Variants in DMD observed in about 807,000 individuals in gnomAD.
The protein encoded by DMD is dystrophin.
Under a neutral mutation model 330.1 loss-of-function variants are expected in DMD, and 63 were observed. The ratio of observed to expected loss-of-function variants is 0.19; its 90% CI spans 0.16 to 0.24. The LOEUF is 0.24. Ranked by LOEUF, DMD falls within the 10% of genes least tolerant of loss-of-function variation. The pLI is 1.00. For missense variants in DMD, 3,344 were observed against 2,684.1 expected, an observed-to-expected ratio of 1.25 and a Z score of -5.43; for synonymous variants, 1,223 against 959.8, an observed-to-expected ratio of 1.27 and a Z score of -5.07.
At chrX:31,528,325 C>A (rs1026784569) in intron 55 of DMD, among the ~76,000 whole-genome samples, 14 of 111,974 alleles carry the variant, frequency 1.3e-4, no homozygotes, top group African/African-American at 4.2e-4. Context: ...TAATTTGATG[C>A]CTAGGGAAAA....
chrX:32,702,567 G>A (rs1057317951), intron 7 of DMD, among the ~76,000 whole-genome samples: 3 of 111,113 alleles, frequency 2.7e-5, no homozygotes, highest in Non-Finnish European at 5.7e-5. Context: ...TCATTCAATA[G>A]ACTAGAGAGT....
chrX:32,537,286 A>G (rs2048079162), intron 17 of DMD, among the ~76,000 whole-genome samples: 1 of 111,728 alleles, frequency 9.0e-6, no homozygotes, highest in African/African-American at 3.3e-5. Flanking sequence ...GGAGAGAGGG[A>G]GAGGTAGAAA....
intron 41 of DMD, among the ~76,000 whole-genome samples, chrX:32,328,315 A>C: frequency 8.9e-6 from 1 of 112,039 alleles, no homozygotes; most frequent in Non-Finnish European, 1.9e-5. Context: ...AGAGGATGAA[A>C]ATATTTATAC....
intron 43 of DMD, among the ~76,000 whole-genome samples, chrX:32,268,900 C>A (rs1449683132): frequency 9.2e-6 from 1 of 108,871 alleles, no homozygotes; most frequent in Non-Finnish European, 1.9e-5. Context: ...GGGTAGGAGA[C>A]CCCCCACCCC....
intron 44 of DMD, among the ~76,000 whole-genome samples, chrX:32,074,505 A>G (rs2096326959): frequency 8.9e-6 from 1 of 112,103 alleles, no homozygotes; most frequent in Non-Finnish European, 1.9e-5. Context: ...TGGGATTTAC[A>G]TATTAAATGG....
At chrX:31,190,885 T>G (rs149991920) in intron 67 of DMD, among the ~76,000 whole-genome samples, 1,663 of 111,455 alleles carry the variant, frequency 0.015, 26 homozygotes, top group African/African-American at 0.051. Context: ...GGGCATTTAA[T>G]AAGCCGGCAA....
chrX:33,189,857 C>T (rs1042965737), intron 1 of DMD, among the ~76,000 whole-genome samples: 14 of 111,860 alleles, frequency 1.3e-4, no homozygotes, highest in African/African-American at 4.5e-4. Context: ...AATGAAATTT[C>T]CCTGTCTTCA....
At chrX:32,266,942 A>G (rs1260874049) in intron 43 of DMD, among the ~76,000 whole-genome samples, 1 of 111,945 alleles carries the variant, frequency 8.9e-6, no homozygotes, top group Non-Finnish European at 1.9e-5. Flanking sequence ...ATTTCCTGCT[A>G]CATACAAAAT....
At chrX:31,298,637 C>T (rs1466141793) in intron 62 of DMD, among the ~76,000 whole-genome samples, 3 of 112,147 alleles carry the variant, frequency 2.7e-5, no homozygotes, top group Non-Finnish European at 5.6e-5. Context: ...ATTAAAAACT[C>T]ATGAATACAC....
chrX:32,041,907 G>A (rs1309452815), intron 44 of DMD, among the ~76,000 whole-genome samples: 1 of 105,521 alleles, frequency 9.5e-6, no homozygotes, highest in Non-Finnish European at 1.9e-5. Context: ...GGGTATGATA[G>A]GAGAGTGTTG....
At chrX:32,717,184 AT>A (rs2065819509) in intron 7 of DMD, among the ~76,000 whole-genome samples, 1 of 111,645 alleles carries the variant, frequency 9.0e-6, no homozygotes, top group African/African-American at 3.3e-5. Flanking sequence ...AAAGGGGAAA[AT>A]GCCCAAAGGC....
At chrX:31,791,492 T>G (rs1230033969) in intron 50 of DMD, among the ~76,000 whole-genome samples, 2 of 111,170 alleles carry the variant, frequency 1.8e-5, no homozygotes, top group Non-Finnish European at 3.8e-5. Flanking sequence ...CCAACATCTG[T>G]GATGATACTG....
intron 4 of DMD, among the ~76,000 whole-genome samples, chrX:32,830,201 C>A (rs1372416729): frequency 1.8e-5 from 2 of 111,330 alleles, no homozygotes; most frequent in Non-Finnish European, 3.8e-5. Flanking sequence ...TGCTGTATTT[C>A]TTACTATTAG....
chrX:32,705,895 T>G (rs998164841), intron 7 of DMD, among the ~76,000 whole-genome samples: 4 of 110,476 alleles, frequency 3.6e-5, no homozygotes, highest in African/African-American at 9.9e-5. Context: ...CAAAGGACTA[T>G]AAATCATGCT....
chrX:32,501,729 T>A, intron 19 of DMD, 26 bp downstream of exon 19: 1 of 1,117,873 alleles, frequency 8.9e-7, no homozygotes, highest in East Asian at 3.0e-5. Flanking sequence ...CCTAAGAAGA[T>A]TATCTAAATC....
Position 32,472,003 on chromosome X carries a change from A to G in DMD, c.2949+161T>C, listed in dbSNP as rs72468672. Among the ~76,000 whole-genome samples, 337 of 112,767 alleles carry G rather than the reference A, an allele frequency of 3.0e-3. 2 individuals are homozygous for G. Among genetic ancestry groups the G allele is most frequent in the Non-Finnish European group, 4.4e-3 (236 of 53,364 alleles). The stretch of plus-strand genomic sequence containing the variant: ...ATACATATATATCCATAGATAGAGT[A>G]TATGCATAAATAATACTGTAAAGTC... On this transcript the variant is annotated intron_variant, in intron 22 of 78. Coordinates refer to ENST00000357033, the MANE Select transcript of DMD (RefSeq NM_004006.3).
chrX:32,867,454 A>G (rs2082605849), intron 2 of DMD, among the ~76,000 whole-genome samples: 1 of 112,349 alleles, frequency 8.9e-6, no homozygotes, highest in African/African-American at 3.2e-5. Flanking sequence ...CTCAAAGAAA[A>G]AATTTAAAAT....
At chrX:32,533,648 G>A (rs964329867) in intron 17 of DMD, among the ~76,000 whole-genome samples, 1 of 112,225 alleles carries the variant, frequency 8.9e-6, no homozygotes, top group South Asian at 3.7e-4. Flanking sequence ...TAACTGGAGT[G>A]TTTTACATAC....
chrX:32,280,544 T>G, intron 43 of DMD, among the ~76,000 whole-genome samples: 1 of 111,364 alleles, frequency 9.0e-6, no homozygotes, highest in African/African-American at 3.3e-5. Flanking sequence ...AGAGATTAAT[T>G]CTAAGACTGC....
Sources: gnomAD v4.1 joint callset for allele counts (sites outside exome capture counted in the v4.1 genomes callset) on GRCh38, gnomAD v4.1.1 for gene constraint, MANE v1.5 for transcripts, NCBI Gene and HGNC (gene_info 2026-07-23, HGNC 2026-07-21) for gene names.